PPP2R2B: variants seen among roughly 807,000 people sequenced by gnomAD.
PPP2R2B encodes serine/threonine-protein phosphatase 2A 55 kDa regulatory subunit B beta isoform.
A neutral mutation model predicts 46.0 loss-of-function variants in PPP2R2B; 5 were observed. The ratio of observed to expected loss-of-function variants is 0.11; its 90% CI spans 0.06 to 0.23. The LOEUF is 0.23. PPP2R2B is among the 10% of genes least tolerant of loss of function. The pLI is 1.00. For synonymous variants in PPP2R2B, 215 were observed against 206.7 expected, an observed-to-expected ratio of 1.04 and a Z score of -0.34; for missense variants, 367 against 575.0, an observed-to-expected ratio of 0.64 and a Z score of 3.70.
At chr5:146,748,481 C>T (rs1207631801) in intron 2 of PPP2R2B, among the ~76,000 whole-genome samples, 2 of 152,158 alleles carry the variant, frequency 1.3e-5, no homozygotes, top group African/African-American at 4.8e-5. Flanking sequence ...ATAGCCACAC[C>T]AGTTTCCCTC....
intron 2 of PPP2R2B, among the ~76,000 whole-genome samples, chr5:146,863,767 G>A (rs927146116): frequency 1.3e-5 from 2 of 151,866 alleles, no homozygotes; most frequent in African/African-American, 2.4e-5. Context: ...GCCTCAAAGA[G>A]CTTAATATTT....
intron 2 of PPP2R2B, among the ~76,000 whole-genome samples, chr5:147,071,436 G>GTCCCA (rs1757595078): frequency 2.0e-5 from 3 of 152,136 alleles, no homozygotes; most frequent in Non-Finnish European, 1.5e-5. Context: ...TATTTATAAT[G>GTCCCA]GTTTATAAGG....
At chr5:146,904,308 G>A (rs951960078) in intron 1 of PPP2R2B, among the ~76,000 whole-genome samples, 1 of 152,152 alleles carries the variant, frequency 6.6e-6, no homozygotes, top group Non-Finnish European at 1.5e-5. Flanking sequence ...GAAGAAAAAG[G>A]AAAGAATGCA....
chr5:146,858,010 A>G (rs1237432515), intron 2 of PPP2R2B, among the ~76,000 whole-genome samples: 1 of 152,224 alleles, frequency 6.6e-6, no homozygotes, highest in Non-Finnish European at 1.5e-5. Flanking sequence ...ATTAATAAAA[A>G]TACAGCTTAA....
intron 2 of PPP2R2B, among the ~76,000 whole-genome samples, chr5:146,773,147 G>C (rs1222325780): frequency 1.3e-5 from 2 of 152,228 alleles, no homozygotes; most frequent in Non-Finnish European, 2.9e-5. Context: ...CTCCAGAACA[G>C]AAACACATTA....
At chr5:146,871,493 AT>A (rs1336543434) in intron 2 of PPP2R2B, among the ~76,000 whole-genome samples, 1 of 152,128 alleles carries the variant, frequency 6.6e-6, no homozygotes, top group African/African-American at 2.4e-5. Context: ...TTCCATAAAC[AT>A]TTTTTTCTGT....
At chr5:146,626,809 G>C (rs1162994628) in intron 7 of PPP2R2B, among the ~76,000 whole-genome samples, 2 of 152,166 alleles carry the variant, frequency 1.3e-5, no homozygotes, top group Non-Finnish European at 2.9e-5. Context: ...CCAAGTGAGG[G>C]AGAGGGCAAG....
chr5:147,080,536 GA>G (rs1214009703), intron 2 of PPP2R2B, among the ~76,000 whole-genome samples: 1 of 152,158 alleles, frequency 6.6e-6, no homozygotes, highest in Non-Finnish European at 1.5e-5. Flanking sequence ...TCAGGAGGAG[GA>G]AAACTAATGC....
At chr5:146,706,401 C>A in intron 2 of PPP2R2B, 4 of 780,500 alleles carry the variant, frequency 5.1e-6, no homozygotes, top group Non-Finnish European at 8.5e-6. Flanking sequence ...CCTGCATAGC[C>A]GCTGGTGGTC....
chr5:146,918,912 C>T (rs899396550), intron 1 of PPP2R2B, among the ~76,000 whole-genome samples: 3 of 152,172 alleles, frequency 2.0e-5, no homozygotes, highest in Admixed American at 2.0e-4. Context: ...TAAATTGCAC[C>T]TTTTCTGCTA....
At chr5:146,593,476 G>GTGAC (rs1770862729) in intron 8 of PPP2R2B, among the ~76,000 whole-genome samples, 1 of 152,248 alleles carries the variant, frequency 6.6e-6, no homozygotes, top group South Asian at 2.1e-4. Context: ...CCAGTGTCAG[G>GTGAC]TGACAGATTA....
In PPP2R2B at chr5:146,949,544, G is replaced by C. The variant is rs78613342; in HGVS notation, c.79+106121C>G. Among the ~76,000 whole-genome samples, 872 of 152,146 alleles carry C rather than the reference G, an allele frequency of 5.7e-3. 29 individuals carry two copies. The East Asian group carries it at 0.068, about 12-fold the overall frequency. ...ATGCCACTGAGGAAGTAGAGAAAAG[G>C]CAAGCCTCTTATGCTGTTGGTGGGG... is the stretch of plus-strand genomic sequence containing the variant. On this transcript the variant is annotated intron_variant, in intron 1 of 8. Coordinates refer to the PPP2R2B transcript ENST00000336640.
chr5:146,888,588 G>A (rs1351563146), intron 1 of PPP2R2B, among the ~76,000 whole-genome samples: 1 of 152,056 alleles, frequency 6.6e-6, no homozygotes, highest in Admixed American at 6.5e-5. Flanking sequence ...TCACTTTTCC[G>A]CTCAAAGGCT....
chr5:147,029,169 A>T (rs1034636978), intron 1 of PPP2R2B, among the ~76,000 whole-genome samples: 1 of 152,176 alleles, frequency 6.6e-6, no homozygotes, highest in Non-Finnish European at 1.5e-5. Flanking sequence ...TAATTTATCA[A>T]TATTTCCTTC....
chr5:147,040,152 G>A (rs1022651858), intron 1 of PPP2R2B, among the ~76,000 whole-genome samples: 1 of 152,096 alleles, frequency 6.6e-6, no homozygotes, highest in African/African-American at 2.4e-5. Context: ...GTTTTTAAAT[G>A]AACATTGGGT....
chr5:146,803,300 C>T (rs1756976964), intron 2 of PPP2R2B, among the ~76,000 whole-genome samples: 1 of 152,104 alleles, frequency 6.6e-6, no homozygotes, highest in Non-Finnish European at 1.5e-5. Context: ...ATGTAAGCCC[C>T]AGCAAATGCC....
At chr5:146,650,447 G>T in intron 6 of PPP2R2B, 100 bp downstream of exon 6, 1 of 1,102,236 alleles carries the variant, frequency 9.1e-7, no homozygotes. Flanking sequence ...CTCCGCAAAT[G>T]CTAGGTGTTG....
chr5:146,776,462 A>G (rs1282450527), intron 2 of PPP2R2B, among the ~76,000 whole-genome samples: 2 of 152,126 alleles, frequency 1.3e-5, no homozygotes, highest in Admixed American at 6.5e-5. Flanking sequence ...CAAAAGAATG[A>G]AGTTGGGCCC....
chr5:147,064,049 C>A (rs911239205), intron 2 of PPP2R2B, among the ~76,000 whole-genome samples: 1 of 152,194 alleles, frequency 6.6e-6, no homozygotes, highest in Admixed American at 6.5e-5. Flanking sequence ...CAGCGAGGAC[C>A]TTCCCCTGGG....
Sources: allele counts gnomAD v4.1 joint callset (sites outside exome capture counted in the v4.1 genomes callset), GRCh38; gene constraint gnomAD v4.1.1; transcripts MANE v1.5; gene names NCBI Gene and HGNC (gene_info 2026-07-23, HGNC 2026-07-21).